AP1G1: variants seen among roughly 807,000 people sequenced by gnomAD.
The protein encoded by AP1G1 is AP-1 complex subunit gamma-1.
A neutral mutation model predicts 108.3 loss-of-function variants in AP1G1; 7 were observed. That is an observed-to-expected ratio of 0.06 (90% confidence interval 0.04 to 0.12). The LOEUF is 0.12. Among genes scored for constraint, AP1G1 ranks in the 10% least tolerant of loss-of-function variants. The pLI, the probability that AP1G1 is intolerant of heterozygous loss-of-function variation, is 1.00. For synonymous variants in AP1G1, 379 were observed against 353.5 expected (o/e 1.07, Z -0.81); for missense variants, 756 against 1,010.7 (o/e 0.75, Z 3.42).
chr16:71,780,815 T>C (rs1446110793), intron 2 of AP1G1, among the ~76,000 whole-genome samples: 2 of 151,652 alleles, frequency 1.3e-5, no homozygotes, highest in Non-Finnish European at 2.9e-5. Flanking sequence ...GAGGCTAATT[T>C]TTTACTTTTT....
rs1215317096 is a variant in AP1G1, at chr16:71,732,456, G to C, written c.*602C>G. On this transcript the variant is annotated 3_prime_UTR_variant, in exon 23 of 23. Coordinates refer to ENST00000299980, the MANE Select transcript of AP1G1 (RefSeq NM_001128.6). ...CAAACATACATGTGTGTGTCTGTGT[G>C]TATACAGCAATGCACAGAAAAGGCT... 6.5e-6 allele frequency: 1 copy of C among 152,876 alleles called. No homozygotes were observed. Among genetic ancestry groups the C allele is most frequent in the African/African-American group, 2.4e-5 (1 of 41,438 alleles). The allele number at this position is 152,876 out of a possible 1,614,324, so 9.5% of individuals were successfully genotyped here.
intron 1 of AP1G1, chr16:71,807,861 G>C: frequency 7.9e-7 from 1 of 1,268,588 alleles, no homozygotes; most frequent in Non-Finnish European, 1.0e-6. Flanking sequence ...TAATAGGGGA[G>C]AAAAAAAAAT....
intron 13 of AP1G1, chr16:71,751,199 G>A (rs1030307160): frequency 6.6e-6 from 1 of 151,044 alleles, no homozygotes; most frequent in Non-Finnish European, 1.5e-5. Flanking sequence ...ATTAAAAAAG[G>A]AAGGCTGGAC....
chr16:71,762,090 C>T (rs879160364), intron 9 of AP1G1, among the ~76,000 whole-genome samples: 6 of 151,980 alleles, frequency 3.9e-5, no homozygotes, highest in Admixed American at 3.9e-4. Context: ...CTGATAACTG[C>T]AAATGATAGG....
chr16:71,799,216 T>C (rs550440691), intron 1 of AP1G1, among the ~76,000 whole-genome samples: 1 of 152,306 alleles, frequency 6.6e-6, no homozygotes, highest in Non-Finnish European at 1.5e-5. Context: ...ATGAAAATTA[T>C]GATAACCTAT....
At chr16:71,808,071 C>A in intron 1 of AP1G1, 1 of 1,180,642 alleles carries the variant, frequency 8.5e-7, no homozygotes, top group Non-Finnish European at 1.1e-6. Flanking sequence ...GAAACACAAT[C>A]AACCGAACCG....
At chr16:71,755,895 TG>T in intron 12 of AP1G1, 123 bp downstream of exon 12, 1 of 1,011,578 alleles carries the variant, frequency 9.9e-7, no homozygotes, top group Admixed American at 2.5e-5. Context: ...CCACCTGCCT[TG>T]GCCTCCCAAA....
chr16:71,800,514 G>A (rs562218089), intron 1 of AP1G1, among the ~76,000 whole-genome samples: 18 of 150,994 alleles, frequency 1.2e-4, no homozygotes, highest in African/African-American at 1.7e-4. Context: ...AAACCCCCCC[G>A]TCTCGGGTCG....
intron 11 of AP1G1, chr16:71,758,462 T>A (rs112209817): frequency 1.9e-6 from 1 of 530,746 alleles, no homozygotes; most frequent in African/African-American, 1.9e-5. Flanking sequence ...GATGGATCAC[T>A]CCGTACTTTC....
intron 1 of AP1G1, among the ~76,000 whole-genome samples, chr16:71,797,624 C>T (rs952553984): frequency 6.6e-6 from 1 of 152,146 alleles, no homozygotes; most frequent in African/African-American, 2.4e-5. Flanking sequence ...CATAGTGAAA[C>T]CCCATCTCTA....
chr16:71,733,418 A>G (rs2045493667), intron 22 of AP1G1, among the ~76,000 whole-genome samples: 1 of 151,678 alleles, frequency 6.6e-6, no homozygotes, highest in Admixed American at 6.6e-5. Flanking sequence ...CATTAAAAGG[A>G]CAGAACTCCT....
At chr16:71,803,226 T>C (rs745753526) in intron 1 of AP1G1, among the ~76,000 whole-genome samples, 1 of 151,958 alleles carries the variant, frequency 6.6e-6, no homozygotes, top group Non-Finnish European at 1.5e-5. Flanking sequence ...AAAGAATAAA[T>C]AAATAAATAA....
At chr16:71,771,662 C>T (rs1214321953) in intron 4 of AP1G1, among the ~76,000 whole-genome samples, 3 of 152,222 alleles carry the variant, frequency 2.0e-5, no homozygotes, top group South Asian at 2.1e-4. Flanking sequence ...AAACTTTCTA[C>T]ATTAGACTAT....
chr16:71,764,962 T>C (rs1047912378), intron 7 of AP1G1, among the ~76,000 whole-genome samples: 3 of 152,224 alleles, frequency 2.0e-5, no homozygotes, highest in African/African-American at 7.2e-5. Context: ...ACTTCAGTAC[T>C]CCACAGCTAA....
At chr16:71,798,981 A>G (rs1463829056) in intron 1 of AP1G1, among the ~76,000 whole-genome samples, 1 of 151,494 alleles carries the variant, frequency 6.6e-6, no homozygotes, top group Non-Finnish European at 1.5e-5. Context: ...CTACAGGAGG[A>G]AAAAAAAAGA....
At chr16:71,759,967 T>C (rs886473336) in intron 10 of AP1G1, among the ~76,000 whole-genome samples, 7 of 152,108 alleles carry the variant, frequency 4.6e-5, no homozygotes, top group Non-Finnish European at 8.8e-5. Flanking sequence ...CAAAACTGTA[T>C]CTATAAAAAT....
chr16:71,767,870 T>A, intron 6 of AP1G1: 2 of 1,599,292 alleles, frequency 1.3e-6, no homozygotes, highest in Non-Finnish European at 1.7e-6. Context: ...AGAGGGTTAA[T>A]TCTTACCTTT....
chr16:71,765,716 T>C lies in AP1G1; in HGVS notation c.643-132A>G, dbSNP rs931779464. ...AAATTCTACTGATTTAATATACTAG[T>C]GTATTGTAGATGTTTGATAAACTTA... On this transcript the variant is annotated intron_variant, in intron 6 of 22. Transcript: ENST00000299980. 4 of 670,120 alleles carry C rather than the reference T, an allele frequency of 6.0e-6. No homozygotes were observed. In the African/African-American group the frequency reaches 7.2e-5, roughly 12 times the overall value. The allele number at this position is 670,120 out of a possible 1,614,324, so 41.5% of individuals were successfully genotyped here. A position where few individuals can be genotyped will look rare whatever the true frequency, so the allele number is the denominator to read the frequency against.
intron 21 of AP1G1, among the ~76,000 whole-genome samples, chr16:71,736,011 A>C (rs559323188): frequency 1.3e-3 from 190 of 144,264 alleles, no homozygotes; most frequent in African/African-American, 4.2e-3. Context: ...CATGCCTGTA[A>C]TCCCAGCTAC....
Sources: gnomAD v4.1 joint callset for allele counts (sites outside exome capture counted in the v4.1 genomes callset) on GRCh38, gnomAD v4.1.1 for gene constraint, MANE v1.5 for transcripts, NCBI Gene and HGNC (gene_info 2026-07-23, HGNC 2026-07-21) for gene names.